The following AHI1 variants were observed in gnomAD, a reference collection of about 807,000 sequenced individuals.
AHI1 encodes the protein Abelson helper integration site 1, also known as jouberin.
Under a neutral mutation model 149.3 loss-of-function variants are expected in AHI1, and 123 were observed. The observed-to-expected ratio is 0.82, with a 90% CI of 0.71 to 0.96. The LOEUF (loss-of-function observed/expected upper bound fraction) is 0.96. AHI1 is among the 40% of genes least tolerant of loss of function. The pLI, the probability that AHI1 is intolerant of heterozygous loss-of-function variation, is 0.00. For missense variants in AHI1, 1,439 were observed against 1,422.7 expected, an observed-to-expected ratio of 1.01 and a Z score of -0.18; for synonymous variants, 475 against 459.8, an observed-to-expected ratio of 1.03 and a Z score of -0.42.
At chr6:135,343,402 T>C (rs1790672490) in intron 24 of AHI1, among the ~76,000 whole-genome samples, 1 of 151,834 alleles carries the variant, frequency 6.6e-6, no homozygotes, top group Admixed American at 6.6e-5. Context: ...GATCATAAGA[T>C]TCCTATGGAA....
chr6:135,367,031 G>C (rs1302620907), intron 23 of AHI1, among the ~76,000 whole-genome samples: 2 of 152,058 alleles, frequency 1.3e-5, no homozygotes, highest in African/African-American at 2.4e-5. Context: ...TTTCATTGTT[G>C]ACCCAATGAT....
At chr6:135,395,406 A>C (rs1779083165) in intron 22 of AHI1, among the ~76,000 whole-genome samples, 1 of 151,786 alleles carries the variant, frequency 6.6e-6, no homozygotes, top group South Asian at 2.1e-4. Flanking sequence ...CCATTGCATC[A>C]AAACACCTTA....
At chr6:135,352,598 G>A (rs1211626514) in intron 24 of AHI1, among the ~76,000 whole-genome samples, 2 of 151,572 alleles carry the variant, frequency 1.3e-5, no homozygotes, top group African/African-American at 2.4e-5. Context: ...CATCCCTTCC[G>A]TTATTGCTCT....
chr6:135,398,059 T>C (rs1408587211), intron 22 of AHI1, among the ~76,000 whole-genome samples: 12 of 5,778 alleles, frequency 2.1e-3, no homozygotes, highest in Admixed American at 3.9e-3. Context: ...ACCCAGGATG[T>C]TTTTTTTTTT....
At chr6:135,291,295 A>G (rs1051996248) in intron 27 of AHI1, among the ~76,000 whole-genome samples, 2 of 152,196 alleles carry the variant, frequency 1.3e-5, no homozygotes, top group East Asian at 1.9e-4. Flanking sequence ...GAACCAAATG[A>G]TATTTCCCCA....
At chr6:135,295,857 C>A (rs1000220284) in intron 27 of AHI1, among the ~76,000 whole-genome samples, 12 of 152,020 alleles carry the variant, frequency 7.9e-5, no homozygotes, top group African/African-American at 2.9e-4. Flanking sequence ...TATTTAATTT[C>A]ATTTTATTTT....
At chr6:135,453,969 G>C (rs1788528720) in intron 10 of AHI1, among the ~76,000 whole-genome samples, 1 of 152,088 alleles carries the variant, frequency 6.6e-6, no homozygotes, top group African/African-American at 2.4e-5. Flanking sequence ...TCGTATTCTA[G>C]ATATTTATCA....
In AHI1 at chr6:135,355,499, GA is replaced by G. The variant is rs1361373352; in HGVS notation, c.3165+2632del. 3.9e-5 allele frequency among the ~76,000 whole-genome samples: 6 copies of G among 152,290 alleles called. No homozygotes were observed. The South Asian group carries it at 1.2e-3, about 32-fold the overall frequency. ...GTTCTCAGGCTGATCTTTATTTACT[GA>G]AGGGACACTGGATTGTATTATAGTA... On this transcript the variant is annotated intron_variant, in intron 24 of 28. Coordinates refer to ENST00000265602, the MANE Select transcript of AHI1 (RefSeq NM_001134831.2).
intron 27 of AHI1, among the ~76,000 whole-genome samples, chr6:135,298,280 T>C (rs1361396736): frequency 1.3e-5 from 2 of 150,462 alleles, no homozygotes; most frequent in African/African-American, 4.9e-5. Flanking sequence ...AATGTAACTT[T>C]ACTAAAATGT....
chr6:135,458,374 G>C (rs1292932417), intron 8 of AHI1, among the ~76,000 whole-genome samples: 3 of 152,130 alleles, frequency 2.0e-5, no homozygotes, highest in Non-Finnish European at 4.4e-5. Flanking sequence ...TGATAAAACT[G>C]GAGATTTGAG....
chr6:135,455,697 C>A, intron 10 of AHI1, 37 bp downstream of exon 10: 1 of 1,374,296 alleles, frequency 7.3e-7, no homozygotes, highest in Non-Finnish European at 9.8e-7. Flanking sequence ...TAAATATTAA[C>A]TATCGTTTAA....
At chr6:135,401,132 G>A (rs1417924739) in intron 22 of AHI1, among the ~76,000 whole-genome samples, 1 of 152,182 alleles carries the variant, frequency 6.6e-6, no homozygotes, top group Non-Finnish European at 1.5e-5. Flanking sequence ...CTTCCTAGAT[G>A]AGGATTTTTG....
chr6:135,493,632 A>G (rs1795557900), intron 3 of AHI1, among the ~76,000 whole-genome samples: 1 of 152,194 alleles, frequency 6.6e-6, no homozygotes, highest in East Asian at 1.9e-4. Flanking sequence ...AGTAATTGAA[A>G]CCTGAGAGCA....
chr6:135,289,947 G>C (rs1000450092), intron 28 of AHI1, among the ~76,000 whole-genome samples: 1 of 151,816 alleles, frequency 6.6e-6, no homozygotes, highest in African/African-American at 2.4e-5. Flanking sequence ...GGCGTATCTC[G>C]GTGGAAAAAG....
At chr6:135,327,567 T>C (rs1787893104) in intron 24 of AHI1, among the ~76,000 whole-genome samples, 1 of 152,204 alleles carries the variant, frequency 6.6e-6, no homozygotes, top group African/African-American at 2.4e-5. Context: ...TATCCCTTGT[T>C]ACAGTTTTTT....
In AHI1 at chr6:135,427,213, T is replaced by G. The variant is rs765434425; in HGVS notation, c.2718A>C (p.Ala906=). ...HPFENMVAFC[A]FGQNEPILLY... is the part of the protein sequence containing the mutation. ...GAAGAATTGGCTCATTTTGCCCAAA[T>G]GCACAGAATGCAACCATATTTTCAA... Residue 906 remains alanine, a synonymous_variant, in exon 20 of 29, where the codon GCA becomes GCC. Coordinates refer to ENST00000265602, the MANE Select transcript of AHI1 (RefSeq NM_001134831.2). 1.9e-6 allele frequency: 3 copies of G among 1,610,792 alleles called. No homozygotes were observed. Among genetic ancestry groups the G allele is most frequent in the East Asian group, 2.2e-5 (1 of 44,706 alleles).
chr6:135,460,246 T>C (rs546003934), intron 8 of AHI1, among the ~76,000 whole-genome samples: 1 of 152,180 alleles, frequency 6.6e-6, no homozygotes, highest in African/African-American at 2.4e-5. Flanking sequence ...GACACAATGT[T>C]AAAAAATTTT....
chr6:135,301,238 A>T (rs1783843751), intron 26 of AHI1: 6 of 984,610 alleles, frequency 6.1e-6, no homozygotes, highest in Non-Finnish European at 7.2e-6. Flanking sequence ...TTTTTTAGAG[A>T]TAATCACGTT....
At chr6:135,322,586 G>GT (rs1187779215) in intron 25 of AHI1, among the ~76,000 whole-genome samples, 3 of 152,016 alleles carry the variant, frequency 2.0e-5, no homozygotes, top group Admixed American at 1.3e-4. Context: ...ACATCACATG[G>GT]TAAGTTCTAG....
Sources: gnomAD v4.1 joint callset for allele counts (sites outside exome capture counted in the v4.1 genomes callset) on GRCh38, gnomAD v4.1.1 for gene constraint, MANE v1.5 for transcripts, NCBI Gene and HGNC (gene_info 2026-07-23, HGNC 2026-07-21) for gene names.